The following TMEM19 variants were observed in gnomAD, a reference collection of about 807,000 sequenced individuals.
TMEM19 encodes transmembrane protein 19.
In TMEM19, 21 loss-of-function variants were observed where a neutral mutation model predicts 33.6. The ratio of observed to expected loss-of-function variants is 0.62; its 90% confidence interval spans 0.44 to 0.90. The LOEUF (loss-of-function observed/expected upper bound fraction) is 0.90. Ranked by LOEUF, TMEM19 falls within the 40% of genes least tolerant of loss-of-function variation. The pLI is 0.00. For synonymous variants in TMEM19, 149 were observed against 147.5 expected, an observed-to-expected ratio of 1.01 and a Z score of -0.07; for missense variants, 402 against 401.8, an observed-to-expected ratio of 1.00 and a Z score of 0.00.
intron 5 of TMEM19, among the ~76,000 whole-genome samples, chr12:71,700,201 A>C (rs758327905): frequency 6.6e-6 from 1 of 152,232 alleles, no homozygotes; most frequent in Non-Finnish European, 1.5e-5. Flanking sequence ...CTAAAGGGTC[A>C]ATAACTCTAC....
chr12:71,698,545 G>A (rs1214868079), intron 4 of TMEM19, among the ~76,000 whole-genome samples: 2 of 151,436 alleles, frequency 1.3e-5, no homozygotes, highest in Non-Finnish European at 2.9e-5. Context: ...GGAGGCTGCA[G>A]TAGGCTATGA....
At chr12:71,688,392 G>C (rs150033883) in intron 1 of TMEM19, among the ~76,000 whole-genome samples, 1,673 of 152,136 alleles carry the variant, frequency 0.011, 23 homozygotes, top group African/African-American at 0.038. Context: ...ACCATGCCTG[G>C]CTAATTTTTG....
intron 3 of TMEM19, among the ~76,000 whole-genome samples, chr12:71,696,841 G>T (rs1207396169): frequency 6.6e-6 from 1 of 151,918 alleles, no homozygotes; most frequent in African/African-American, 2.4e-5. Context: ...TAGAGACGGG[G>T]TTTCACCGTA....
Position 71,703,331 on chromosome 12 carries a change from C to A in TMEM19, c.*2336C>A, listed in dbSNP as rs1336775232. 1 of 150,636 alleles carries A rather than the reference C, an allele frequency of 6.6e-6. No individual in the cohort carries two copies. Among genetic ancestry groups the A allele is most frequent in the African/African-American group, 2.4e-5 (1 of 41,090 alleles). The allele number at this position is 150,636 out of a possible 1,614,324, so 9.3% of individuals were successfully genotyped here. ...GTTTTAGGGAGATAACTATTAGCAACCACACAATATGTTATCTTTATGGAT... is the reference window on the plus strand; with the variant it reads ...GTTTTAGGGAGATAACTATTAGCAAACACACAATATGTTATCTTTATGGAT... On this transcript the variant is annotated 3_prime_UTR_variant, in exon 6 of 6. Transcript: ENST00000266673.
chr12:71,686,446 G>T lies in TMEM19; in HGVS notation c.-235G>T. 2.6e-6 allele frequency: 1 copy of T among 387,580 alleles called. No individual in the cohort carries two copies. The highest frequency in any genetic ancestry group is 6.7e-5 in the East Asian group (1 of 14,850). The allele number at this position is 387,580 out of a possible 1,614,324, so 24.0% of individuals were successfully genotyped here. A position where few individuals can be genotyped will look rare whatever the true frequency, so the allele number is the denominator to read the frequency against. ...GCGACCGGCCCTCACCGTCCGCCGGGTTGCGCTCTGCTTTTGCGGTGAGGC... is the reference window on the plus strand; with the variant it reads ...GCGACCGGCCCTCACCGTCCGCCGGTTTGCGCTCTGCTTTTGCGGTGAGGC... On this transcript the variant is annotated 5_prime_UTR_variant, in exon 1 of 6. Coordinates refer to ENST00000266673, the MANE Select transcript of TMEM19 (RefSeq NM_018279.4).
At chr12:71,692,490 G>A (rs1881801321) in intron 2 of TMEM19, among the ~76,000 whole-genome samples, 1 of 152,188 alleles carries the variant, frequency 6.6e-6, no homozygotes, top group Non-Finnish European at 1.5e-5. Context: ...GCTTAATGAA[G>A]TATTCTTATT....
intron 4 of TMEM19, 56 bp from the exon 5 acceptor site, chr12:71,698,844 C>T (rs985527601): frequency 9.1e-5 from 140 of 1,532,042 alleles, no homozygotes; most frequent in Non-Finnish European, 1.2e-4. Flanking sequence ...GCTGTCCTTG[C>T]CTTTATGTGT....
At chr12:71,687,091 C>T (rs1212660818) in intron 1 of TMEM19, among the ~76,000 whole-genome samples, 2 of 151,898 alleles carry the variant, frequency 1.3e-5, no homozygotes, top group African/African-American at 4.8e-5. Flanking sequence ...TCTCAAACCC[C>T]TAGGCTCAAG....
rs1160439011 is a variant in TMEM19, at chr12:71,696,476, C to T, written c.285C>T (p.Ser95=). 4 of 1,612,358 alleles carry T rather than the reference C, an allele frequency of 2.5e-6. No individual in the cohort carries two copies. The highest frequency in any genetic ancestry group is 3.4e-6 in the Non-Finnish European group (4 of 1,179,198). Reference sequence around the variant, plus strand: ...TTATCCTAACCATTGCAAATTTCAGCTTTTTTACCTCTTTGCTGATGTTTT... The same window carrying T: ...TTATCCTAACCATTGCAAATTTCAGTTTTTTTACCTCTTTGCTGATGTTTT... ...VGFILTIANF[S]FFTSLLMFFL... is the part of the protein sequence containing the mutation. The change falls in exon 3 of 6, where the codon AGC becomes AGT. Residue 95 remains serine (S), a synonymous_variant. Transcript: ENST00000266673.
rs191604335 is a variant in TMEM19 at position 71,687,534 on chromosome 12, G to A, written c.130+724G>A. Reference sequence around the variant, plus strand: ...ATTGAGCCACTGCACTCCAGCCTGGGCCACAGAGCGAGAATCCGTCTCAAA... The same window carrying A: ...ATTGAGCCACTGCACTCCAGCCTGGACCACAGAGCGAGAATCCGTCTCAAA... On this transcript the variant is annotated intron_variant, in intron 1 of 5. Transcript: ENST00000266673. 5.0e-4 allele frequency among the ~76,000 whole-genome samples: 76 copies of A among 151,980 alleles called. No homozygotes were observed. In the East Asian group the frequency reaches 0.013, roughly 27 times the overall value.
intron 1 of TMEM19, among the ~76,000 whole-genome samples, chr12:71,687,118 G>A (rs1159726635): frequency 6.6e-6 from 1 of 151,718 alleles, no homozygotes; most frequent in African/African-American, 2.4e-5. Flanking sequence ...TCCCACCTGT[G>A]TCTCCCAAAG....
intron 2 of TMEM19, among the ~76,000 whole-genome samples, chr12:71,695,410 A>G (rs1881854685): frequency 6.6e-6 from 1 of 152,182 alleles, no homozygotes; most frequent in Non-Finnish European, 1.5e-5. Flanking sequence ...AACAGTGAAT[A>G]TTCATGAAGA....
rs1881698452 is a variant in TMEM19 at position 71,686,809 on chromosome 12, T to C, written c.129T>C (p.Tyr43=). The C allele has an allele frequency of 6.2e-7, 1 of 1,605,540 alleles. No individual in the cohort carries two copies. The highest frequency in any genetic ancestry group is 1.3e-5 in the African/African-American group (1 of 74,754). Reference sequence around the variant, plus strand: ...TATCAATGACTGCAAGCACCTATTATGGTAAGTCTGAGTGTTCTAAGTTGT... The same window carrying C: ...TATCAATGACTGCAAGCACCTATTACGGTAAGTCTGAGTGTTCTAAGTTGT... ...WIISMTASTY[Y]GNLRPISPWR... is the part of the protein sequence containing the mutation. The change falls in exon 1 of 6, where the codon TAT becomes TAC. Residue 43 remains tyrosine, a splice_region_variant and synonymous_variant. Coordinates refer to ENST00000266673, the MANE Select transcript of TMEM19 (RefSeq NM_018279.4).
chr12:71,700,834 T>C lies in TMEM19; in HGVS notation c.850T>C (p.Leu284=). ...YLGATMQYTG[L]DESTGMVVNS... ...ACTTGCTTCTTTTTCCATTCCAGGG[T>C]TGGATGAAAGCACTGGCATGGTGGT... The change falls in exon 6 of 6, where the codon TTG becomes CTG. Residue 284 remains leucine (L), a splice_region_variant and synonymous_variant. Coordinates refer to ENST00000266673, the MANE Select transcript of TMEM19 (RefSeq NM_018279.4). The C allele has an allele frequency of 1.9e-6, 3 of 1,582,838 alleles. No homozygotes were observed. Among genetic ancestry groups the C allele is most frequent in the Non-Finnish European group, 2.6e-6 (3 of 1,165,148 alleles).
chr12:71,700,317 A>G (rs544065385), intron 5 of TMEM19, among the ~76,000 whole-genome samples: 1 of 152,316 alleles, frequency 6.6e-6, no homozygotes, highest in South Asian at 2.1e-4. Flanking sequence ...TTGAAAAGAA[A>G]TGCATGCAGT....
chr12:71,692,306 T>C (rs753950059), intron 2 of TMEM19, among the ~76,000 whole-genome samples: 8 of 152,336 alleles, frequency 5.3e-5, no homozygotes, highest in Admixed American at 2.6e-4. Context: ...TATATGCTGA[T>C]TATTATTATT....
intron 2 of TMEM19, among the ~76,000 whole-genome samples, chr12:71,695,846 A>G (rs921917684): frequency 1.3e-5 from 2 of 152,200 alleles, no homozygotes; most frequent in African/African-American, 4.8e-5. Context: ...TCAACTCCAG[A>G]GCTGAAGCAC....
Position 71,702,947 on chromosome 12 carries a change from A to AGG in TMEM19, c.*1953_*1954dup, listed in dbSNP as rs1882005097. On this transcript the variant is annotated 3_prime_UTR_variant, in exon 6 of 6. Coordinates refer to ENST00000266673, the MANE Select transcript of TMEM19 (RefSeq NM_018279.4). ...GTAATCCCAGCATTTTGGAAGGCCG[A>AGG]GGCGGGTGGATCACTTGAGGTCAGG... The AGG allele has an allele frequency of 6.6e-6, 1 of 152,062 alleles. No homozygotes were observed. Among genetic ancestry groups the AGG allele is most frequent in the South Asian group, 2.1e-4 (1 of 4,808 alleles). 9.4% of individuals were successfully genotyped at this position (152,062 alleles called of 1,614,324 possible). A position where few individuals can be genotyped will look rare whatever the true frequency, so the allele number is the denominator to read the frequency against.
chr12:71,697,970 C>T (rs1881904440), intron 4 of TMEM19, among the ~76,000 whole-genome samples: 1 of 152,156 alleles, frequency 6.6e-6, no homozygotes, highest in Non-Finnish European at 1.5e-5. Flanking sequence ...ACTTTTTGAA[C>T]ACTGACATGA....
Sources: allele counts gnomAD v4.1 joint callset (sites outside exome capture counted in the v4.1 genomes callset), GRCh38; gene constraint gnomAD v4.1.1; transcripts MANE v1.5; gene names NCBI Gene and HGNC (gene_info 2026-07-23, HGNC 2026-07-21).